The following RIT2 variants were observed in gnomAD, a reference collection of about 807,000 sequenced individuals.
RIT2 encodes the protein GTP-binding protein Rit2.
A neutral mutation model predicts 23.7 loss-of-function variants in RIT2; 24 were observed. The observed-to-expected ratio is 1.01, with a 90% CI of 0.73 to 1.43. The LOEUF is 1.43. Among genes scored for constraint, RIT2 ranks in the 40% most tolerant of loss-of-function variants. The pLI, the probability that RIT2 is intolerant of heterozygous loss-of-function variation, is 0.00. For missense variants in RIT2, 236 were observed against 266.9 expected (o/e 0.88, Z 0.81); for synonymous variants, 107 against 91.1 (o/e 1.17, Z -0.99).
chr18:42,836,187 A>G (rs1176472147), intron 4 of RIT2, among the ~76,000 whole-genome samples: 1 of 152,212 alleles, frequency 6.6e-6, no homozygotes, highest in Non-Finnish European at 1.5e-5. Flanking sequence ...GAAATCTTTC[A>G]TCTCATACTT....
chr18:43,063,730 T>G (rs1443299236), intron 1 of RIT2, among the ~76,000 whole-genome samples: 3 of 152,114 alleles, frequency 2.0e-5, no homozygotes, highest in African/African-American at 7.2e-5. Flanking sequence ...AAATGAGAAC[T>G]AAAATATTTT....
chr18:43,069,202 T>C (rs1912843431), intron 1 of RIT2, among the ~76,000 whole-genome samples: 1 of 152,094 alleles, frequency 6.6e-6, no homozygotes, highest in Non-Finnish European at 1.5e-5. Context: ...TGATTTTTTG[T>C]TGCTGTTGTT....
intron 4 of RIT2, among the ~76,000 whole-genome samples, chr18:42,777,451 A>G (rs1198179864): frequency 1.3e-5 from 2 of 152,158 alleles, no homozygotes; most frequent in Non-Finnish European, 2.9e-5. Flanking sequence ...ACCAACAAAG[A>G]AGACTTAGAA....
chr18:43,028,414 C>T (rs937761425), intron 2 of RIT2, among the ~76,000 whole-genome samples: 7 of 151,886 alleles, frequency 4.6e-5, no homozygotes, highest in African/African-American at 1.7e-4. Context: ...AACGGGAGTC[C>T]AGTGTGGTTG....
intron 3 of RIT2, among the ~76,000 whole-genome samples, chr18:42,937,011 TA>T (rs556983208): frequency 0.071 from 9,516 of 133,880 alleles, 321 homozygotes; most frequent in African/African-American, 0.093. Flanking sequence ...AAACTCAACT[TA>T]AAAAAAAAAA....
At chr18:42,862,010 G>A (rs116245804) in intron 4 of RIT2, among the ~76,000 whole-genome samples, 53 of 152,294 alleles carry the variant, frequency 3.5e-4, no homozygotes, top group African/African-American at 1.2e-3. Flanking sequence ...GCATGACAGA[G>A]GAGAGGATCT....
At chr18:42,853,589 T>G (rs2144039533) in intron 4 of RIT2, among the ~76,000 whole-genome samples, 1 of 152,320 alleles carries the variant, frequency 6.6e-6, no homozygotes, top group African/African-American at 2.4e-5. Flanking sequence ...ACATATACAT[T>G]TATATTTTTG....
chr18:43,065,927 A>G (rs1048387277), intron 1 of RIT2, among the ~76,000 whole-genome samples: 1 of 152,206 alleles, frequency 6.6e-6, no homozygotes, highest in African/African-American at 2.4e-5. Flanking sequence ...GGGTCTGTTT[A>G]GTGAGTAACA....
At chr18:42,993,536 G>A (rs986354394) in intron 2 of RIT2, among the ~76,000 whole-genome samples, 11 of 152,044 alleles carry the variant, frequency 7.2e-5, no homozygotes, top group Non-Finnish European at 1.6e-4. Flanking sequence ...TTGACGGCCA[G>A]GCTTCTAAAC....
intron 4 of RIT2, among the ~76,000 whole-genome samples, chr18:42,800,988 C>G (rs1205154683): frequency 6.6e-6 from 1 of 151,954 alleles, no homozygotes; most frequent in African/African-American, 2.4e-5. Context: ...CGTAGGTTTC[C>G]GTAGCACCAA....
chr18:43,115,301 G>T, intron 1 of RIT2, 116 bp downstream of exon 1: 1 of 1,315,810 alleles, frequency 7.6e-7, no homozygotes, highest in Non-Finnish European at 1.1e-6. Context: ...CCCATACTCT[G>T]TGTTTAACTG....
intron 4 of RIT2, among the ~76,000 whole-genome samples, chr18:42,867,483 G>T (rs1213602180): frequency 1.3e-5 from 2 of 152,046 alleles, no homozygotes; most frequent in Non-Finnish European, 2.9e-5. Flanking sequence ...CCTAAAAAGT[G>T]CAGGTGATTG....
At chr18:42,824,985 C>T (rs1906255112) in intron 4 of RIT2, among the ~76,000 whole-genome samples, 1 of 151,864 alleles carries the variant, frequency 6.6e-6, no homozygotes, top group African/African-American at 2.4e-5. Flanking sequence ...GGACCATTCC[C>T]ATCAACTCCA....
At chr18:42,932,087 C>T (rs138434390) in intron 3 of RIT2, among the ~76,000 whole-genome samples, 1 of 152,148 alleles carries the variant, frequency 6.6e-6, no homozygotes, top group African/African-American at 2.4e-5. Context: ...GAATTTGTCT[C>T]CAGATAATTA....
At chr18:43,041,753 T>C (rs1296110604) in intron 1 of RIT2, among the ~76,000 whole-genome samples, 2 of 152,128 alleles carry the variant, frequency 1.3e-5, no homozygotes, top group African/African-American at 4.8e-5. Context: ...AAGTTAAATA[T>C]AAGTCAACTG....
chr18:43,026,584 G>GAAAGAAAGAAAGAAAGAAAGAAAT (rs1911727793), intron 2 of RIT2, among the ~76,000 whole-genome samples: 1 of 94,092 alleles, frequency 1.1e-5, no homozygotes, highest in African/African-American at 3.7e-5. Context: ...AAGAAAGAAA[G>GAAAGAAAGAAAGAAAGAAAGAAAT]AAAGAAAGAA....
intron 4 of RIT2, among the ~76,000 whole-genome samples, chr18:42,813,732 A>G (rs1905915306): frequency 6.6e-6 from 1 of 152,232 alleles, no homozygotes; most frequent in Non-Finnish European, 1.5e-5. Context: ...ACTAGATTGC[A>G]GCTCTGACTC....
Position 42,823,108 on chromosome 18 carries a change from G to A in RIT2, c.427-79388C>T, listed in dbSNP as rs1325005600. 3.3e-5 allele frequency among the ~76,000 whole-genome samples: 5 copies of A among 152,188 alleles called. No homozygotes were observed. In the East Asian group the frequency reaches 9.6e-4, roughly 29 times the overall value. On this transcript the variant is annotated intron_variant, in intron 4 of 4. Transcript: ENST00000326695. ...TCCTGATGGGGTAAATGTACTGAGAGCCTCAAATCAGATAACTCTAATGCC... is the reference window on the plus strand; with the variant it reads ...TCCTGATGGGGTAAATGTACTGAGAACCTCAAATCAGATAACTCTAATGCC...
chr18:42,906,342 C>T (rs1009645606), intron 4 of RIT2, among the ~76,000 whole-genome samples: 1 of 152,060 alleles, frequency 6.6e-6, no homozygotes, highest in African/African-American at 2.4e-5. Flanking sequence ...TACAGACATA[C>T]ATAATACTGA....
Sources: gnomAD v4.1 joint callset for allele counts (sites outside exome capture counted in the v4.1 genomes callset) on GRCh38, gnomAD v4.1.1 for gene constraint, MANE v1.5 for transcripts, NCBI Gene and HGNC (gene_info 2026-07-23, HGNC 2026-07-21) for gene names.